Variants in TAF1L observed in about 807,000 individuals in gnomAD.
The protein encoded by TAF1L is transcription initiation factor TFIID subunit 1-like.
In TAF1L, 30 loss-of-function variants were observed where a neutral mutation model predicts 128.8. The observed-to-expected ratio is 0.23, with a 90% CI of 0.17 to 0.32. The LOEUF (loss-of-function observed/expected upper bound fraction) is 0.32, where lower values mean the gene tolerates loss of function less well. TAF1L is among the 10% of genes least tolerant of loss of function. TAF1L has a pLI of 1.00. For missense variants in TAF1L, 2,099 were observed against 2,253.7 expected, an observed-to-expected ratio of 0.93 and a Z score of 1.39; for synonymous variants, 764 against 790.7, an observed-to-expected ratio of 0.97 and a Z score of 0.57.
Position 32,631,603 on chromosome 9 carries a change from A to T in TAF1L, c.3977T>A (p.Val1326Asp), listed in dbSNP as rs1244622627. The T allele has an allele frequency of 1.9e-6, 3 of 1,614,138 alleles. No homozygotes were observed. The highest frequency in any genetic ancestry group is 2.5e-6 in the Non-Finnish European group (3 of 1,180,028). ...AAGTTCTTCATTATCATTATGAATG[A>T]CTGTCTTTTCCAACTCCTCCTCCTG... ...EEQEEELEKT[V>D]IHNDNEELIK... is the part of the protein sequence containing the mutation. The change falls in exon 1 of 1, where the codon GTC becomes GAC. Residue 1326 changes from valine (V) to aspartate (D), a missense_variant. By Grantham distance (152) the Val-to-Asp change is radical (BLOSUM62 -3). Transcript: ENST00000242310. This position sits in a 1 kb window ranked among gnomAD's most constrained non-coding sequence, Gnocchi z 4.1.
Position 32,631,708 on chromosome 9 carries a change from T to C in TAF1L, c.3872A>G (p.His1291Arg), listed in dbSNP as rs1243476863. The change falls in exon 1 of 1, where the codon CAT becomes CGT. Residue 1291 changes from histidine (H) to arginine (R), a missense_variant. Around this residue, in one of 4 missense-constraint regions of TAF1L, gnomAD observed 1,213 missense variants for 1,391.4 expected, o/e 0.87. Transcript: ENST00000242310. This position sits in a 1 kb window ranked among gnomAD's most constrained non-coding sequence, Gnocchi z 4.1. Reference protein sequence around the residue: ...LKCGACGAIGHMRTNKFCPLY... With the variant: ...LKCGACGAIGRMRTNKFCPLY... ...GGGGCAGAATTTGTTAGTCCTCATA[T>C]GTCCAATGGCACCACATGCCCCACA... 2 of 1,614,206 alleles carry C rather than the reference T, an allele frequency of 1.2e-6. No individual in the cohort carries two copies. Among genetic ancestry groups the C allele is most frequent in the Non-Finnish European group, 1.7e-6 (2 of 1,180,040 alleles).
At position 32,635,635 on chromosome 9, in the gene TAF1L, T is replaced by G. The variant is rs1451518802; in HGVS notation, c.-56A>C. On this transcript the variant is annotated 5_prime_UTR_variant, in exon 1 of 1. Transcript: ENST00000242310. ...AGTGATCTACTTAGCTCCCTTACCC[T>G]ACCAGCGTCTACCGGAAGCTGAATA... 7.9e-7 allele frequency: 1 copy of G among 1,271,988 alleles called. No individual in the cohort carries two copies. The highest frequency in any genetic ancestry group is 4.9e-5 in the East Asian group (1 of 20,226). The allele number at this position is 1,271,988 out of a possible 1,614,324, so 78.8% of individuals were successfully genotyped here.
rs1487318104 is a variant in TAF1L, at chr9:32,635,156, C to T, written c.424G>A (p.Asp142Asn). The T allele has an allele frequency of 1.2e-6, 2 of 1,614,174 alleles. No individual in the cohort carries two copies. The highest frequency in any genetic ancestry group is 4.5e-5 in the East Asian group (2 of 44,890). The change falls in exon 1 of 1, where the codon GAC becomes AAC. Residue 142 changes from aspartate to asparagine, a missense_variant. By Grantham distance (23) the Asp-to-Asn change is conservative. Transcript: ENST00000242310. ...PLYHSDYDEDDYDADCEDIDC... is the reference protein window; with the variant it reads ...PLYHSDYDEDNYDADCEDIDC... ...ATGTCTTCACAATCAGCATCATAGT[C>T]ATCTTCATCATAATCCGAGTGGTAA...
rs145944536 is a variant in TAF1L, at chr9:32,630,356, C to T, written c.5224G>A (p.Gly1742Ser). Residue 1742 changes from glycine (G) to serine (S), a missense_variant, in exon 1 of 1, where the codon GGT becomes AGT. Gly to Ser is a moderately conservative substitution (Grantham distance 56). This residue lies in a region of TAF1L where 404 missense variants were observed against 406.5 expected (regional missense o/e 0.99). Transcript: ENST00000242310. ...CCTTCCTCTTCATCTGCAAGATCAC[C>T]ATCTCCCCCTTCTGGGGCTGGAGGC... ...PKPPAPEGGD[G>S]DLADEEEGTV... The T allele has an allele frequency of 1.7e-5, 27 of 1,614,208 alleles. No individual in the cohort carries two copies. The African/African-American group carries it at 3.1e-4, about 18-fold the overall frequency.
rs904817700 is a variant in TAF1L at position 32,632,450 on chromosome 9, C to T, written c.3130G>A (p.Val1044Met). The stretch of plus-strand genomic sequence containing the variant: ...GACATTGTGCGCACCACATCAATCA[C>T]TTCCCAGCGGGACAACTTTTTAATC... ...EEIKKLSRWEVIDVVRTMSTE... is the reference protein window; with the variant it reads ...EEIKKLSRWEMIDVVRTMSTE... The change falls in exon 1 of 1, where the codon GTG becomes ATG. Residue 1044 changes from valine to methionine, a missense_variant. Transcript: ENST00000242310. The surrounding 1 kb of genome is among the most constrained non-coding windows in gnomAD (Gnocchi z 4.4). 1.2e-6 allele frequency: 2 copies of T among 1,614,148 alleles called. No homozygotes were observed. The highest frequency in any genetic ancestry group is 1.7e-6 in the Non-Finnish European group (2 of 1,180,054).
Position 32,630,426 on chromosome 9 carries a change from C to T in TAF1L, c.5154G>A (p.Val1718=), listed in dbSNP as rs763776889. ...CCTCATCATCATACCCTTCAACATC[C>T]ACATCAGAGTCTTCCTCACCCAGCC... ...QGRLGEEDSD[V]DVEGYDDEEE... Residue 1718 remains valine, a synonymous_variant, in exon 1 of 1, where the codon GTG becomes GTA. Coordinates refer to ENST00000242310, the MANE Select transcript of TAF1L (RefSeq NM_153809.2). The T allele has an allele frequency of 6.2e-7, 1 of 1,614,190 alleles. No homozygotes were observed. Among genetic ancestry groups the T allele is most frequent in the Admixed American group, 1.7e-5 (1 of 60,020 alleles).
Position 32,630,651 on chromosome 9 carries a change from T to C in TAF1L, c.4929A>G (p.Ala1643=). Residue 1643 remains alanine, a synonymous_variant, in exon 1 of 1, where the codon GCA becomes GCG. Transcript: ENST00000242310. The part of the protein sequence containing the change: ...LEKDICTAKE[A]ALEEAELESL... ...TTTCTAATTCTGCTTCCTCCAAAGC[T>C]GCTTCTTTAGCTGTACAAATATCCT... The C allele has an allele frequency of 6.2e-7, 1 of 1,614,218 alleles. No homozygotes were observed. Among genetic ancestry groups the C allele is most frequent in the Non-Finnish European group, 8.5e-7 (1 of 1,180,030 alleles).
Position 32,631,682 on chromosome 9 carries a change from G to C in TAF1L, c.3898C>G (p.Leu1300Val), listed in dbSNP as rs1822519793. ...GHMRTNKFCP[L>V]YYQTNVPPSK... is the part of the protein sequence containing the mutation. ...GGTGGCACATTTGTTTGATAATAGA[G>C]GGGGCAGAATTTGTTAGTCCTCATA... Residue 1300 changes from leucine (L) to valine (V), a missense_variant, in exon 1 of 1, where the codon CTC becomes GTC. By Grantham distance (32) the Leu-to-Val change is conservative. Coordinates refer to ENST00000242310, the MANE Select transcript of TAF1L (RefSeq NM_153809.2). This position sits in a 1 kb window ranked among gnomAD's most constrained non-coding sequence, Gnocchi z 4.1. The C allele has an allele frequency of 2.5e-6, 4 of 1,614,130 alleles. No homozygotes were observed. Among genetic ancestry groups the C allele is most frequent in the East Asian group, 4.5e-5 (2 of 44,874 alleles).
At position 32,633,375 on chromosome 9, in the gene TAF1L, A is replaced by G; in HGVS notation, c.2205T>C (p.Asp735=). Residue 735 remains aspartate, a synonymous_variant, in exon 1 of 1, where the codon GAT becomes GAC. Coordinates refer to ENST00000242310, the MANE Select transcript of TAF1L (RefSeq NM_153809.2). ...RKPGKDPGAP[D]CKYGETVYCH... Reference sequence around the variant, plus strand: ...AGTAAACAGTTTCCCCATATTTACAATCTGGTGCTCCAGGATCTTTGCCAG... The same window carrying G: ...AGTAAACAGTTTCCCCATATTTACAGTCTGGTGCTCCAGGATCTTTGCCAG... 6.2e-7 allele frequency: 1 copy of G among 1,614,236 alleles called. No homozygotes were observed. Among genetic ancestry groups the G allele is most frequent in the South Asian group, 1.1e-5 (1 of 91,088 alleles).
At position 32,634,113 on chromosome 9, in the gene TAF1L, A is replaced by G. The variant is rs755290940; in HGVS notation, c.1467T>C (p.Ile489=). The G allele has an allele frequency of 6.8e-6, 11 of 1,614,186 alleles. No homozygotes were observed. The South Asian group carries it at 1.1e-4, about 16-fold the overall frequency. ...GTCCATACACCAGATCCTCATTGTC[A>G]ATGGGAAAAATGGAGTACCAAGGTT... The part of the protein sequence containing the change: ...DDKPWYSIFP[I]DNEDLVYGRW... Residue 489 remains isoleucine (I), a synonymous_variant, in exon 1 of 1, where the codon ATT becomes ATC. Transcript: ENST00000242310.
Position 32,630,648 on chromosome 9 carries a change from A to G in TAF1L, c.4932T>C (p.Ala1644=). The change falls in exon 1 of 1, where the codon GCT becomes GCC. Residue 1644 remains alanine (A), a synonymous_variant. Transcript: ENST00000242310. The stretch of plus-strand genomic sequence containing the variant: ...GGCTTTCTAATTCTGCTTCCTCCAA[A>G]GCTGCTTCTTTAGCTGTACAAATAT... ...EKDICTAKEA[A]LEEAELESLD... 3.1e-6 allele frequency: 5 copies of G among 1,614,130 alleles called. No homozygotes were observed. Among genetic ancestry groups the G allele is most frequent in the Non-Finnish European group, 4.2e-6 (5 of 1,180,022 alleles).
rs754012773 is a variant in TAF1L at position 32,632,168 on chromosome 9, G to T, written c.3412C>A (p.Arg1138Ser). ...TTCCGCTCCTGCTCCTCCCATTCAC[G>T]TGACAGCTGAGAGCTGGTTTTCTTG... ...QNKKTSSQLS[R>S]EWEEQERKEL... Residue 1138 changes from arginine to serine, a missense_variant, in exon 1 of 1, where the codon CGT becomes AGT. Physicochemically the swap from Arg to Ser is moderately radical, Grantham distance 110. This residue lies in a region of TAF1L where 1,213 missense variants were observed against 1,391.4 expected (regional missense o/e 0.87). Coordinates refer to ENST00000242310, the MANE Select transcript of TAF1L (RefSeq NM_153809.2). The surrounding 1 kb of genome is among the most constrained non-coding windows in gnomAD (Gnocchi z 4.4). The T allele has an allele frequency of 7.3e-5, 118 of 1,614,050 alleles. No individual in the cohort carries two copies. In the East Asian group the frequency reaches 2.6e-3, roughly 35 times the overall value.
Position 32,630,009 on chromosome 9 carries a change from G to T in TAF1L, c.*90C>A. On this transcript the variant is annotated 3_prime_UTR_variant, in exon 1 of 1. Transcript: ENST00000242310. Reference sequence around the variant, plus strand: ...GTCTTGGGTGTTCAACTTGGGATCAGGCTCCTCACAGCTCCCATAACTGAT... The same window carrying T: ...GTCTTGGGTGTTCAACTTGGGATCATGCTCCTCACAGCTCCCATAACTGAT... The T allele has an allele frequency of 6.3e-7, 1 of 1,580,718 alleles. No individual in the cohort carries two copies.
At position 32,632,954 on chromosome 9, in the gene TAF1L, T is replaced by C. The variant is rs368539318; in HGVS notation, c.2626A>G (p.Met876Val). Residue 876 changes from methionine to valine, a missense_variant, in exon 1 of 1, where the codon ATG becomes GTG. Met to Val is a conservative substitution (Grantham distance 21, BLOSUM62 1). Coordinates refer to ENST00000242310, the MANE Select transcript of TAF1L (RefSeq NM_153809.2). This position sits in a 1 kb window ranked among gnomAD's most constrained non-coding sequence, Gnocchi z 4.4. Reference sequence around the variant, plus strand: ...TTAAGCACCCACCAGTTTGAATCCATCCCTGTGCGTTTGAAGTCAGCGCAG... The same window carrying C: ...TTAAGCACCCACCAGTTTGAATCCACCCCTGTGCGTTTGAAGTCAGCGCAG... Reference protein sequence around the residue: ...KLCADFKRTGMDSNWWVLKSD... With the variant: ...KLCADFKRTGVDSNWWVLKSD... 2.2e-5 allele frequency: 36 copies of C among 1,614,210 alleles called. No individual in the cohort carries two copies. The Middle Eastern group carries it at 4.9e-4, about 22-fold the overall frequency.
In TAF1L at chr9:32,631,547, C is replaced by T. The variant is rs764907807; in HGVS notation, c.4033G>A (p.Gly1345Arg). 25 of 1,614,050 alleles carry T rather than the reference C, an allele frequency of 1.5e-5. No individual in the cohort carries two copies. In the East Asian group the frequency reaches 1.8e-4, roughly 12 times the overall value. ...TGCACATTCTCAATTAGCTGTTTCC[C>T]GAAGACAATTTTGGTCCCTTCAACC... Reference protein sequence around the residue: ...IKVEGTKIVFGKQLIENVHEV... With the variant: ...IKVEGTKIVFRKQLIENVHEV... The change falls in exon 1 of 1, where the codon GGG (glycine) becomes AGG (arginine). Residue 1345 changes from glycine to arginine, a missense_variant. Coordinates refer to ENST00000242310, the MANE Select transcript of TAF1L (RefSeq NM_153809.2). The surrounding 1 kb of genome is among the most constrained non-coding windows in gnomAD (Gnocchi z 4.1).
chr9:32,632,082 A>G lies in TAF1L; in HGVS notation c.3498T>C (p.Asp1166=). 6.2e-7 allele frequency: 1 copy of G among 1,614,110 alleles called. No individual in the cohort carries two copies. Among genetic ancestry groups the G allele is most frequent in the East Asian group, 2.2e-5 (1 of 44,874 alleles). The part of the protein sequence containing the change: ...GSAASGNNHR[D]DVTASMTSLK... Reference sequence around the variant, plus strand: ...GGCTAGTCATGGAAGCTGTGACATCATCTCTGTGATTGTTTCCTGATGCTG... The same window carrying G: ...GGCTAGTCATGGAAGCTGTGACATCGTCTCTGTGATTGTTTCCTGATGCTG... Residue 1166 remains aspartate, a synonymous_variant, in exon 1 of 1, where the codon GAT becomes GAC. Coordinates refer to ENST00000242310, the MANE Select transcript of TAF1L (RefSeq NM_153809.2). This position sits in a 1 kb window ranked among gnomAD's most constrained non-coding sequence, Gnocchi z 4.4.
In TAF1L at chr9:32,633,693, G is replaced by C; in HGVS notation, c.1887C>G (p.Ile629Met). Residue 629 changes from isoleucine (I) to methionine (M), a missense_variant, in exon 1 of 1, where the codon ATC becomes ATG. Physicochemically the swap from Ile to Met is conservative, Grantham distance 10. Transcript: ENST00000242310. ...QPFFPTHMGPIKIRQFHRPPL... is the reference protein window; with the variant it reads ...QPFFPTHMGPMKIRQFHRPPL... ...GTGGGCGATGGAACTGCCGGATTTTGATGGGCCCCATGTGGGTGGGAAAGA... is the reference window on the plus strand; with the variant it reads ...GTGGGCGATGGAACTGCCGGATTTTCATGGGCCCCATGTGGGTGGGAAAGA... The C allele has an allele frequency of 6.2e-7, 1 of 1,614,184 alleles. No homozygotes were observed. Among genetic ancestry groups the C allele is most frequent in the Non-Finnish European group, 8.5e-7 (1 of 1,180,036 alleles).
In TAF1L at chr9:32,630,018, C is replaced by T; in HGVS notation, c.*81G>A. 2 of 1,588,712 alleles carry T rather than the reference C, an allele frequency of 1.3e-6. No individual in the cohort carries two copies. Among genetic ancestry groups the T allele is most frequent in the Non-Finnish European group, 1.7e-6 (2 of 1,168,624 alleles). On this transcript the variant is annotated 3_prime_UTR_variant, in exon 1 of 1. Transcript: ENST00000242310. The stretch of plus-strand genomic sequence containing the variant: ...GTTCAACTTGGGATCAGGCTCCTCA[C>T]AGCTCCCATAACTGATGTTGCTATC...
rs2119082028 is a variant in TAF1L at position 32,629,487 on chromosome 9, T to C, written c.*612A>G. On this transcript the variant is annotated 3_prime_UTR_variant, in exon 1 of 1. Coordinates refer to ENST00000242310, the MANE Select transcript of TAF1L (RefSeq NM_153809.2). ...AAAATTTATGGTAATTTGCCTCAAA[T>C]CCATATAGGAACGAGGCATTGTATA... 1 of 152,974 alleles carries C rather than the reference T, an allele frequency of 6.5e-6. No individual in the cohort carries two copies. Among genetic ancestry groups the C allele is most frequent in the African/African-American group, 2.4e-5 (1 of 41,566 alleles). The allele number at this position is 152,974 out of a possible 1,614,324, so 9.5% of individuals were successfully genotyped here.
Sources: allele counts gnomAD v4.1 joint callset, GRCh38; gene constraint gnomAD v4.1.1; regional missense constraint gnomAD v4.1.1; non-coding constraint Gnocchi (gnomAD v3.1); transcripts MANE v1.5; gene names NCBI Gene and HGNC (gene_info 2026-07-23, HGNC 2026-07-21).